DROSHA: variants seen among roughly 807,000 people sequenced by gnomAD.
DROSHA encodes the protein drosha ribonuclease III, also known as ribonuclease 3.
Under a neutral mutation model 181.9 loss-of-function variants are expected in DROSHA, and 56 were observed. The observed-to-expected ratio is 0.31, with a 90% confidence interval of 0.25 to 0.38. The LOEUF is 0.38. Among genes scored for constraint, DROSHA ranks in the 10% least tolerant of loss-of-function variants. The pLI is 1.00. For synonymous variants in DROSHA, 524 were observed against 591.2 expected (o/e 0.89, Z 1.65); for missense variants, 1,218 against 1,743.5 (o/e 0.70, Z 5.37).
chr5:31,434,936 A>G (rs757773914), intron 25 of DROSHA, among the ~76,000 whole-genome samples: 3 of 152,256 alleles, frequency 2.0e-5, no homozygotes, highest in Non-Finnish European at 4.4e-5. Context: ...TAATTACTAT[A>G]AACAAGTATT....
chr5:31,406,684 A>G (rs1740699912), intron 34 of DROSHA, among the ~76,000 whole-genome samples, 169 bp downstream of exon 34: 1 of 152,168 alleles, frequency 6.6e-6, no homozygotes. Flanking sequence ...CTCGGCTTTG[A>G]GACAATTAAT....
intron 16 of DROSHA, among the ~76,000 whole-genome samples, chr5:31,473,654 G>A (rs992923728): frequency 6.6e-6 from 1 of 152,146 alleles, no homozygotes; most frequent in Admixed American, 6.5e-5. Flanking sequence ...GAATCAAACA[G>A]GACAAGGAAC....
intron 33 of DROSHA, chr5:31,408,840 C>T: frequency 4.4e-6 from 2 of 453,256 alleles, no homozygotes; most frequent in Non-Finnish European, 7.8e-6. Context: ...TGGGAGAGAA[C>T]ATTGAGATAA....
chr5:31,405,385 A>G (rs1158809646), intron 35 of DROSHA, among the ~76,000 whole-genome samples: 2 of 151,902 alleles, frequency 1.3e-5, no homozygotes, highest in Non-Finnish European at 2.9e-5. Flanking sequence ...CAAAAAAAAA[A>G]AAAAGAAAGA....
chr5:31,517,042 C>A (rs1316972626), intron 6 of DROSHA, among the ~76,000 whole-genome samples: 1 of 152,134 alleles, frequency 6.6e-6, no homozygotes, highest in African/African-American at 2.4e-5. Flanking sequence ...CATCCTGTCA[C>A]TATGGTTATT....
chr5:31,527,816 G>A (rs1315587699), intron 4 of DROSHA, among the ~76,000 whole-genome samples: 1 of 152,170 alleles, frequency 6.6e-6, no homozygotes, highest in East Asian at 1.9e-4. Flanking sequence ...ATAGCATTTA[G>A]TCATGGCAGC....
chr5:31,466,959 G>C (rs1399037644), intron 18 of DROSHA, among the ~76,000 whole-genome samples: 1 of 152,178 alleles, frequency 6.6e-6, no homozygotes, highest in Non-Finnish European at 1.5e-5. Flanking sequence ...TCACAGTCCT[G>C]CCATCTGAGA....
intron 35 of DROSHA, among the ~76,000 whole-genome samples, chr5:31,404,884 A>G (rs969311151): frequency 3.3e-5 from 5 of 152,214 alleles, no homozygotes; most frequent in Non-Finnish European, 7.3e-5. Context: ...TTATGCAGCC[A>G]CTAAGAATGA....
chr5:31,431,420 A>C (rs1488561497), intron 26 of DROSHA, among the ~76,000 whole-genome samples, 156 bp downstream of exon 26: 2 of 151,538 alleles, frequency 1.3e-5, no homozygotes, highest in Non-Finnish European at 2.9e-5. Context: ...AAGGAACTGA[A>C]ATAACTATAA....
intron 11 of DROSHA, 150 bp from the exon 12 acceptor site, chr5:31,495,522 C>T: frequency 1.4e-6 from 1 of 721,042 alleles, no homozygotes; most frequent in Non-Finnish European, 2.2e-6. Context: ...ATTGGCTTTG[C>T]CATACCTAGA....
chr5:31,412,212 C>T (rs1741392896), intron 30 of DROSHA, among the ~76,000 whole-genome samples: 1 of 152,184 alleles, frequency 6.6e-6, no homozygotes, highest in Non-Finnish European at 1.5e-5. Flanking sequence ...AAGATGGGAA[C>T]TCACCAAACA....
intron 6 of DROSHA, among the ~76,000 whole-genome samples, chr5:31,520,404 T>G (rs1393621345): frequency 6.6e-6 from 1 of 152,186 alleles, no homozygotes; most frequent in East Asian, 1.9e-4. Context: ...CTTTTTCTGC[T>G]TTTCTTAAGC....
chr5:31,405,689 C>T lies in DROSHA; in HGVS notation c.3982G>A (p.Ala1328Thr). The T allele has an allele frequency of 6.4e-7, 1 of 1,561,274 alleles. No individual in the cohort carries two copies. The highest frequency in any genetic ancestry group is 8.7e-7 in the Non-Finnish European group (1 of 1,154,930). Residue 1328 changes from alanine (A) to threonine (T), a missense_variant, in exon 35 of 36, where the codon GCG (alanine) becomes ACG (threonine). Ala to Thr is a moderately conservative substitution (Grantham distance 58). Around this residue, in one of 8 missense-constraint regions of DROSHA, gnomAD observed 48 missense variants for 124.9 expected, o/e 0.38. Transcript: ENST00000344624. Reference protein sequence around the residue: ...QQAEMGAAMDALEKYNFPQMA... With the variant: ...QQAEMGAAMDTLEKYNFPQMA... ...AAAACAGGCTTACATTTTTCAAGCG[C>T]ATCCATTGCTGCTCCCATTTCCGCT...
chr5:31,524,100 C>G (rs918706209), intron 5 of DROSHA, among the ~76,000 whole-genome samples: 8 of 151,962 alleles, frequency 5.3e-5, no homozygotes, highest in Non-Finnish European at 2.9e-5. Flanking sequence ...TAAAGTCTAC[C>G]AACTCTCACT....
At chr5:31,431,835 A>G (rs1487989970) in intron 25 of DROSHA, among the ~76,000 whole-genome samples, 157 bp from the exon 26 acceptor site, 3 of 152,224 alleles carry the variant, frequency 2.0e-5, no homozygotes, top group African/African-American at 7.2e-5. Flanking sequence ...TTAGTTTAAC[A>G]TTCATTAGAA....
intron 11 of DROSHA, among the ~76,000 whole-genome samples, chr5:31,502,498 C>T (rs1753674202): frequency 6.6e-6 from 1 of 152,198 alleles, no homozygotes; most frequent in Non-Finnish European, 1.5e-5. Context: ...GTGGCCAGAA[C>T]CACCCATCAT....
At position 31,462,667 on chromosome 5, in the gene DROSHA, G is replaced by GAA. The variant is rs398108781; in HGVS notation, c.2574+1567_2574+1568dup. ...AGAAAAAAAAAGGCTCAATGCTTCA[G>GAA]AAAAAAAAAAAAAAGATACTGTATT... is the stretch of plus-strand genomic sequence containing the variant. On this transcript the variant is annotated intron_variant, in intron 20 of 35. Transcript: ENST00000344624. Among the ~76,000 whole-genome samples, 775 of 132,802 alleles carry GAA rather than the reference G, an allele frequency of 5.8e-3. 6 individuals are homozygous for GAA. Among genetic ancestry groups the GAA allele is most frequent in the African/African-American group, 0.018 (649 of 35,816 alleles). The allele number at this position is 132,802 out of a possible 152,430, so 87.1% of individuals were successfully genotyped here.
At position 31,483,646 on chromosome 5, in the gene DROSHA, G is replaced by T; in HGVS notation, c.1997-18C>A. The T allele has an allele frequency of 7.3e-6, 9 of 1,236,444 alleles. No individual in the cohort carries two copies. Among genetic ancestry groups the T allele is most frequent in the Non-Finnish European group, 9.9e-6 (9 of 904,854 alleles). 76.6% of individuals were successfully genotyped at this position (1,236,444 alleles called of 1,614,324 possible). A position where few individuals can be genotyped will look rare whatever the true frequency, so the allele number is the denominator to read the frequency against. On this transcript the variant is annotated intron_variant, in intron 15 of 35. Transcript: ENST00000344624. ...CAAAGGACCTGAAGCAAACAAATGA[G>T]AAAAAAAAAAAAAAAAGAAAACTCA...
intron 15 of DROSHA, among the ~76,000 whole-genome samples, chr5:31,484,505 A>ATGTG (rs72215188): frequency 0.057 from 8,711 of 151,810 alleles, 513 homozygotes; most frequent in East Asian, 0.22. Flanking sequence ...GCGTGTGTGC[A>ATGTG]TGTGTGTGTT....
Sources: gnomAD v4.1 joint callset for allele counts (sites outside exome capture counted in the v4.1 genomes callset) on GRCh38, gnomAD v4.1.1 for gene constraint, gnomAD v4.1.1 regional missense constraint, MANE v1.5 for transcripts, NCBI Gene and HGNC (gene_info 2026-07-23, HGNC 2026-07-21) for gene names.